SLC39A11: variants seen among roughly 807,000 people sequenced by gnomAD.
SLC39A11 encodes solute carrier family 39 member 11.
In SLC39A11, 33 loss-of-function variants were observed where a neutral mutation model predicts 36.1. That is an observed-to-expected ratio of 0.91 (90% CI 0.69 to 1.22). The LOEUF is 1.22. Among genes scored for constraint, SLC39A11 ranks in the 50% most tolerant of loss-of-function variants. The probability of loss-of-function intolerance (pLI) is 0.00; values close to 1 mark genes in which losing one functional copy is unlikely to be tolerated. For missense variants in SLC39A11, 432 were observed against 430.3 expected, an observed-to-expected ratio of 1.00 and a Z score of -0.03; for synonymous variants, 166 against 170.3, an observed-to-expected ratio of 0.97 and a Z score of 0.20.
intron 4 of SLC39A11, among the ~76,000 whole-genome samples, chr17:73,011,524 G>A (rs1286327213): frequency 2.0e-5 from 3 of 152,144 alleles, no homozygotes; most frequent in Non-Finnish European, 4.4e-5. Flanking sequence ...ACCCTGAACA[G>A]AGAGGTCACC....
intron 5 of SLC39A11, among the ~76,000 whole-genome samples, chr17:72,858,171 T>A (rs1409835069): frequency 6.6e-6 from 1 of 152,194 alleles, no homozygotes; most frequent in Non-Finnish European, 1.5e-5. Flanking sequence ...AAGGAAGGGA[T>A]CCAGTTTAAT....
At chr17:72,969,752 C>T (rs1268674513) in intron 4 of SLC39A11, among the ~76,000 whole-genome samples, 3 of 152,250 alleles carry the variant, frequency 2.0e-5, no homozygotes, top group South Asian at 4.1e-4. Context: ...ACTAGGGAAA[C>T]GGATGGCAAC....
intron 7 of SLC39A11, among the ~76,000 whole-genome samples, chr17:72,670,172 C>T (rs1042711177): frequency 2.0e-5 from 1 of 50,086 alleles, no homozygotes; most frequent in African/African-American, 1.0e-4. Context: ...CACACACACA[C>T]ACACACACAC....
At chr17:72,744,988 C>T (rs2060096) in intron 6 of SLC39A11, among the ~76,000 whole-genome samples, 9,324 of 152,186 alleles carry the variant, frequency 0.061, 504 homozygotes, top group African/African-American at 0.15. Flanking sequence ...ATTACAGGTG[C>T]GCACCACCAG....
chr17:72,976,911 A>G (rs2148120237), intron 4 of SLC39A11, among the ~76,000 whole-genome samples: 1 of 152,288 alleles, frequency 6.6e-6, no homozygotes, highest in South Asian at 2.1e-4. Context: ...TATATATTGT[A>G]ACCAATGTTA....
intron 5 of SLC39A11, among the ~76,000 whole-genome samples, chr17:72,890,457 G>A (rs1298188334): frequency 1.3e-5 from 2 of 152,168 alleles, no homozygotes; most frequent in East Asian, 3.8e-4. Flanking sequence ...TGGGGGATTA[G>A]AGAAAAGGAA....
In SLC39A11 at chr17:72,900,148, GAAAGAAAAGAAAGAAAGAAA is replaced by G. The variant is rs1317644438; in HGVS notation, c.430+47584_430+47603del. Among the ~76,000 whole-genome samples the G allele has an allele frequency of 2.4e-3, 232 of 96,634 alleles. 26 individuals carry two copies. The highest frequency in any genetic ancestry group is 8.1e-3 in the African/African-American group (186 of 22,878). The allele number at this position is 96,634 out of a possible 152,430, so 63.4% of individuals were successfully genotyped here. A position where few individuals can be genotyped will look rare whatever the true frequency, so the allele number is the denominator to read the frequency against. ...AAAGAAAGAAAGAAAGAAAAAGAAAGAAAGAAAAGAAAGAAAGAAAGAAAGAAAGAAAGAAAGAAAGAAAG... is the reference window on the plus strand; with the variant it reads ...AAAGAAAGAAAGAAAGAAAAAGAAAGGAAAGAAAGAAAGAAAGAAAGAAAG... On this transcript the variant is annotated intron_variant, in intron 5 of 9. Coordinates refer to ENST00000255559, the MANE Select transcript of SLC39A11 (RefSeq NM_139177.4).
intron 6 of SLC39A11, among the ~76,000 whole-genome samples, chr17:72,825,485 A>G (rs1400108011): frequency 1.3e-5 from 2 of 152,026 alleles, no homozygotes; most frequent in African/African-American, 2.4e-5. Flanking sequence ...TGGCATTTGA[A>G]CCCCCATACA....
chr17:72,729,432 TATATATATATA>T (rs1567994726), intron 7 of SLC39A11, among the ~76,000 whole-genome samples: 37 of 3,454 alleles, frequency 0.011, 2 homozygotes, highest in African/African-American at 0.027. Flanking sequence ...TATATATATA[TATATATATATA>T]TATATATATA....
At chr17:73,083,997 G>C (rs2060633586) in intron 3 of SLC39A11, among the ~76,000 whole-genome samples, 1 of 152,206 alleles carries the variant, frequency 6.6e-6, no homozygotes, top group East Asian at 1.9e-4. Context: ...TCTGGGATTA[G>C]CTTTTATAAA....
intron 5 of SLC39A11, among the ~76,000 whole-genome samples, chr17:72,897,966 C>G (rs537296421): frequency 1.3e-5 from 2 of 152,062 alleles, no homozygotes; most frequent in Admixed American, 1.3e-4. Flanking sequence ...GCTGGGGGAA[C>G]AGGATCCACA....
chr17:73,054,590 T>C (rs2059609497), intron 3 of SLC39A11, among the ~76,000 whole-genome samples: 1 of 151,942 alleles, frequency 6.6e-6, no homozygotes, highest in African/African-American at 2.4e-5. Context: ...GGTGGATCAC[T>C]TGAGGTCAGG....
intron 5 of SLC39A11, among the ~76,000 whole-genome samples, chr17:72,931,141 A>G (rs2084369594): frequency 6.6e-6 from 1 of 152,182 alleles, no homozygotes; most frequent in African/African-American, 2.4e-5. Flanking sequence ...CCTGAAACAG[A>G]AGACAAAGAG....
At chr17:72,730,591 T>C (rs1234589681) in intron 7 of SLC39A11, among the ~76,000 whole-genome samples, 1 of 152,256 alleles carries the variant, frequency 6.6e-6, no homozygotes, top group African/African-American at 2.4e-5. Context: ...TATTCGTTCA[T>C]GCATTCTCAC....
chr17:72,885,533 A>G (rs969367607), intron 5 of SLC39A11, among the ~76,000 whole-genome samples: 6 of 152,140 alleles, frequency 3.9e-5, no homozygotes, highest in African/African-American at 1.4e-4. Context: ...TGTCCTGTGC[A>G]CCATCTCAAC....
chr17:72,767,882 C>T (rs1054336938), intron 6 of SLC39A11, among the ~76,000 whole-genome samples: 2 of 152,000 alleles, frequency 1.3e-5, no homozygotes, highest in African/African-American at 4.8e-5. Context: ...TTAATAGACA[C>T]GAGGCTGGCC....
chr17:72,987,059 T>C (rs778348628), intron 4 of SLC39A11, among the ~76,000 whole-genome samples: 2 of 152,180 alleles, frequency 1.3e-5, no homozygotes, highest in African/African-American at 2.4e-5. Context: ...CCCTCATGAA[T>C]GGTTTGTTGC....
At chr17:72,771,912 C>T (rs1598656855) in intron 6 of SLC39A11, among the ~76,000 whole-genome samples, 1 of 152,160 alleles carries the variant, frequency 6.6e-6, no homozygotes, top group African/African-American at 2.4e-5. Flanking sequence ...ACAGAGGCTG[C>T]CCTCCCTCTT....
intron 5 of SLC39A11, among the ~76,000 whole-genome samples, chr17:72,927,353 C>T (rs867741072): frequency 3.3e-5 from 5 of 152,174 alleles, no homozygotes; most frequent in Admixed American, 2.0e-4. Context: ...TGAGTCACTG[C>T]GCCCAGTCCC....
Sources: allele counts gnomAD v4.1 joint callset (sites outside exome capture counted in the v4.1 genomes callset), GRCh38; gene constraint gnomAD v4.1.1; transcripts MANE v1.5; gene names NCBI Gene and HGNC (gene_info 2026-07-23, HGNC 2026-07-21).